LRRC28: variants seen among roughly 807,000 people sequenced by gnomAD.
LRRC28 encodes the protein leucine-rich repeat-containing protein 28.
LRRC28 carries 39 observed loss-of-function variants against 45.7 expected under a neutral mutation model. That is an observed-to-expected ratio of 0.85 (90% CI 0.66 to 1.12). The LOEUF (loss-of-function observed/expected upper bound fraction) is 1.12, where lower values mean the gene tolerates loss of function less well. LRRC28 is among the 50% of genes most tolerant of loss of function. The pLI, the probability that LRRC28 is intolerant of heterozygous loss-of-function variation, is 0.00. For missense variants in LRRC28, 435 were observed against 438.5 expected (o/e 0.99, Z 0.07); for synonymous variants, 206 against 178.8 (o/e 1.15, Z -1.22).
intron 2 of LRRC28, among the ~76,000 whole-genome samples, chr15:99,265,578 C>A (rs1369342283): frequency 6.6e-6 from 1 of 152,070 alleles, no homozygotes; most frequent in Non-Finnish European, 1.5e-5. Context: ...TCCCTGTGGT[C>A]TTTGTAAGAA....
chr15:99,270,639 A>T (rs1442354114), intron 2 of LRRC28, among the ~76,000 whole-genome samples: 1 of 152,216 alleles, frequency 6.6e-6, no homozygotes, highest in Admixed American at 6.5e-5. Context: ...TAGGGATTCC[A>T]TTGTATGGCT....
chr15:99,373,528 CA>C (rs1957542675), intron 9 of LRRC28, among the ~76,000 whole-genome samples: 1 of 152,104 alleles, frequency 6.6e-6, no homozygotes, highest in African/African-American at 2.4e-5. Context: ...GTATTACTAA[CA>C]ATGCAATTAT....
rs571044990 is a variant in LRRC28 at position 99,388,865 on chromosome 15, T to A, written c.*2763T>A. 3 of 152,336 alleles carry A rather than the reference T, an allele frequency of 2.0e-5. No homozygotes were observed. Among genetic ancestry groups the A allele is most frequent in the Admixed American group, 6.5e-5 (1 of 15,306 alleles). The allele number at this position is 152,336 out of a possible 1,614,324, so 9.4% of individuals were successfully genotyped here. On this transcript the variant is annotated 3_prime_UTR_variant, in exon 10 of 10. Coordinates refer to ENST00000301981, the MANE Select transcript of LRRC28 (RefSeq NM_144598.5). Reference sequence around the variant, plus strand: ...AGTTTTAAAGTCCAGGATAGCCTCATGAGCATAGGCCTTCCTATGAAGTAG... The same window carrying A: ...AGTTTTAAAGTCCAGGATAGCCTCAAGAGCATAGGCCTTCCTATGAAGTAG...
At chr15:99,346,189 T>C (rs868096791) in intron 6 of LRRC28, among the ~76,000 whole-genome samples, 2 of 151,758 alleles carry the variant, frequency 1.3e-5, no homozygotes, top group Non-Finnish European at 2.9e-5. Flanking sequence ...TTCATTCATT[T>C]GTTTTGAGAC....
In LRRC28 at chr15:99,335,009, GTAA is replaced by G. The variant is rs563737814; in HGVS notation, c.592+885_592+887del. 7.3e-4 allele frequency among the ~76,000 whole-genome samples: 111 copies of G among 152,118 alleles called. 1 individual carries two copies. The highest frequency in any genetic ancestry group is 2.5e-3 in the African/African-American group (105 of 41,496). ...AATGGATACATTAAAATCAATGGAAGTAATAATCAAATTTGAGGAGATTATTTT... is the reference window on the plus strand; with the variant it reads ...AATGGATACATTAAAATCAATGGAAGTAATCAAATTTGAGGAGATTATTTT... On this transcript the variant is annotated intron_variant, in intron 6 of 9. Coordinates refer to ENST00000301981, the MANE Select transcript of LRRC28 (RefSeq NM_144598.5).
chr15:99,362,540 C>T (rs1047118524), intron 8 of LRRC28, among the ~76,000 whole-genome samples: 2 of 152,210 alleles, frequency 1.3e-5, no homozygotes, highest in Admixed American at 6.5e-5. Context: ...GTAGCTCAGA[C>T]TAAGCTGGGA....
intron 9 of LRRC28, among the ~76,000 whole-genome samples, chr15:99,377,515 T>G (rs980638812): frequency 6.6e-6 from 1 of 152,214 alleles, no homozygotes; most frequent in African/African-American, 2.4e-5. Flanking sequence ...TGATGGTAGT[T>G]TCTTTTGCTG....
chr15:99,261,974 C>A (rs1033019604), intron 2 of LRRC28, among the ~76,000 whole-genome samples: 3 of 152,110 alleles, frequency 2.0e-5, no homozygotes, highest in Non-Finnish European at 4.4e-5. Flanking sequence ...CCTTTTAACA[C>A]CATCATCATC....
chr15:99,376,944 T>C (rs1447734537), intron 9 of LRRC28, among the ~76,000 whole-genome samples: 1 of 152,206 alleles, frequency 6.6e-6, no homozygotes, highest in African/African-American at 2.4e-5. Context: ...CAGTCTATCA[T>C]TGATGGACAT....
chr15:99,355,712 G>A (rs1001816881), intron 7 of LRRC28: 1 of 144,014 alleles, frequency 6.9e-6, no homozygotes, highest in African/African-American at 2.6e-5. Context: ...TCTACAGGAT[G>A]TTTTTTCCAA....
chr15:99,354,418 G>T (rs1001290726), intron 7 of LRRC28, among the ~76,000 whole-genome samples: 1 of 152,150 alleles, frequency 6.6e-6, no homozygotes, highest in Non-Finnish European at 1.5e-5. Flanking sequence ...CCCAGTTCCA[G>T]TTCAAAGTAG....
chr15:99,338,914 A>G (rs151189149), intron 6 of LRRC28, among the ~76,000 whole-genome samples: 3 of 152,320 alleles, frequency 2.0e-5, no homozygotes, highest in East Asian at 1.9e-4. Flanking sequence ...GGATGTTCCT[A>G]TTATTACTAT....
At chr15:99,298,649 T>C (rs1319157524) in intron 5 of LRRC28, among the ~76,000 whole-genome samples, 2 of 152,194 alleles carry the variant, frequency 1.3e-5, no homozygotes, top group African/African-American at 4.8e-5. Flanking sequence ...GTGTTTTTAA[T>C]CTTTTCAAGT....
chr15:99,364,158 T>C (rs1396125688), intron 9 of LRRC28, among the ~76,000 whole-genome samples: 1 of 152,176 alleles, frequency 6.6e-6, no homozygotes. Context: ...GTTCAGAGCA[T>C]GGACTTTGCA....
At chr15:99,343,597 G>A (rs1956587053) in intron 6 of LRRC28, among the ~76,000 whole-genome samples, 1 of 152,196 alleles carries the variant, frequency 6.6e-6, no homozygotes, top group Non-Finnish European at 1.5e-5. Flanking sequence ...GTTCTTTGTG[G>A]CTGTAGCATC....
chr15:99,372,515 G>T (rs757109774), intron 9 of LRRC28, among the ~76,000 whole-genome samples: 6 of 152,090 alleles, frequency 3.9e-5, no homozygotes, highest in African/African-American at 1.4e-4. Context: ...AGATTGGTTG[G>T]TGTACTTGTA....
At chr15:99,303,492 T>C (rs989373100) in intron 5 of LRRC28, among the ~76,000 whole-genome samples, 1 of 152,166 alleles carries the variant, frequency 6.6e-6, no homozygotes, top group African/African-American at 2.4e-5. Context: ...TAAGGTGTTA[T>C]AACAAGTTCA....
intron 5 of LRRC28, chr15:99,317,521 A>G (rs370982644): frequency 6.6e-5 from 10 of 152,218 alleles, no homozygotes; most frequent in Non-Finnish European, 1.3e-4. Context: ...ACTAACCGCT[A>G]CTTGAGATGT....
At chr15:99,290,926 G>A (rs909259968) in intron 5 of LRRC28, among the ~76,000 whole-genome samples, 1 of 152,076 alleles carries the variant, frequency 6.6e-6, no homozygotes. Context: ...TCTGATTGCA[G>A]TATTGCACTC....
Sources: allele counts gnomAD v4.1 joint callset (sites outside exome capture counted in the v4.1 genomes callset), GRCh38; gene constraint gnomAD v4.1.1; transcripts MANE v1.5; gene names NCBI Gene and HGNC (gene_info 2026-07-23, HGNC 2026-07-21).